The following ARHGAP39 variants were observed in gnomAD, a reference collection of about 807,000 sequenced individuals.
The protein encoded by ARHGAP39 is Rho GTPase activating protein 39.
ARHGAP39 carries 44 observed loss-of-function variants against 106.9 expected under a neutral mutation model. The ratio of observed to expected loss-of-function variants is 0.41; its 90% confidence interval spans 0.32 to 0.53. ARHGAP39 has a LOEUF of 0.53. Among genes scored for constraint, ARHGAP39 ranks in the 20% least tolerant of loss-of-function variants. ARHGAP39 has a pLI of 0.21. For synonymous variants in ARHGAP39, 768 were observed against 693.2 expected (o/e 1.11, Z -1.69); for missense variants, 1,496 against 1,577.3 (o/e 0.95, Z 0.87).
intron 1 of ARHGAP39, among the ~76,000 whole-genome samples, chr8:144,614,347 T>C (rs1820576577): frequency 6.6e-6 from 1 of 151,050 alleles, no homozygotes; most frequent in African/African-American, 2.5e-5. Flanking sequence ...TTTGTGTTCC[T>C]GTTACTATTT....
intron 2 of ARHGAP39, among the ~76,000 whole-genome samples, chr8:144,584,660 G>A (rs1819116003): frequency 1.3e-5 from 2 of 152,154 alleles, no homozygotes; most frequent in African/African-American, 4.8e-5. Context: ...CTACTCGGGA[G>A]GCCAAGGCAG....
chr8:144,605,165 G>A (rs1437642264), intron 2 of ARHGAP39, among the ~76,000 whole-genome samples: 1 of 152,202 alleles, frequency 6.6e-6, no homozygotes, highest in Non-Finnish European at 1.5e-5. Flanking sequence ...GGGAGGTGAG[G>A]TGGGAGGACT....
At chr8:144,656,711 G>A (rs892288862) in intron 1 of ARHGAP39, among the ~76,000 whole-genome samples, 1 of 146,148 alleles carries the variant, frequency 6.8e-6, no homozygotes, top group Admixed American at 7.0e-5. Flanking sequence ...GGGAGGCTGA[G>A]ATAGGAGAAT....
Position 144,536,525 on chromosome 8 carries a change from G to A in ARHGAP39, c.2614+1196C>T, listed in dbSNP as rs183313649. 6.9e-4 allele frequency among the ~76,000 whole-genome samples: 105 copies of A among 152,356 alleles called. 1 individual carries two copies. Among genetic ancestry groups the A allele is most frequent in the African/African-American group, 2.4e-3 (100 of 41,580 alleles). ...TCTCAGGCCACCGGACGCCAGCTCA[G>A]GTAGGAGCGCAAAGCTCCTTCTACG... is the stretch of plus-strand genomic sequence containing the variant. On this transcript the variant is annotated intron_variant, in intron 7 of 11. Transcript: ENST00000377307.
chr8:144,613,975 GAGAGTGTCT>G (rs1820565686), intron 1 of ARHGAP39, among the ~76,000 whole-genome samples: 2 of 152,140 alleles, frequency 1.3e-5, no homozygotes, highest in Admixed American at 1.3e-4. Flanking sequence ...TTTCAGTTTG[GAGAGTGTCT>G]ACTGCTTCAT....
At position 144,671,628 on chromosome 8, in the gene ARHGAP39, C is replaced by T. The variant is rs1046061710; in HGVS notation, c.-82+14058G>A. On this transcript the variant is annotated intron_variant, in intron 1 of 11. Coordinates refer to ENST00000377307, the MANE Select transcript of ARHGAP39 (RefSeq NM_025251.3). The surrounding 1 kb of genome is among the most constrained non-coding windows in gnomAD (Gnocchi z 4.5). Reference sequence around the variant, plus strand: ...TCTGTGCCTGGTGAATAGCCCAAGGCTCAGCTGCTGATACTCCTCCTTTCC... The same window carrying T: ...TCTGTGCCTGGTGAATAGCCCAAGGTTCAGCTGCTGATACTCCTCCTTTCC... Among the ~76,000 whole-genome samples, 3 of 152,240 alleles carry T rather than the reference C, an allele frequency of 2.0e-5. No individual in the cohort carries two copies. Among genetic ancestry groups the T allele is most frequent in the African/African-American group, 7.2e-5 (3 of 41,466 alleles).
Position 144,537,693 on chromosome 8 carries a change from G to A in ARHGAP39, c.2614+28C>T, listed in dbSNP as rs538932547. The A allele has an allele frequency of 2.4e-5, 38 of 1,595,320 alleles. No homozygotes were observed. In the South Asian group the frequency reaches 3.0e-4, roughly 12 times the overall value. On this transcript the variant is annotated intron_variant, in intron 7 of 11. Coordinates refer to ENST00000377307, the MANE Select transcript of ARHGAP39 (RefSeq NM_025251.3). ...GAGAGCAGAGCTGTGCAGACGCCGCGCCCAGGGGCTGCGGGGAGAGGCCCT... is the reference window on the plus strand; with the variant it reads ...GAGAGCAGAGCTGTGCAGACGCCGCACCCAGGGGCTGCGGGGAGAGGCCCT...
At chr8:144,623,500 A>C (rs564426859) in intron 1 of ARHGAP39, among the ~76,000 whole-genome samples, 2 of 152,250 alleles carry the variant, frequency 1.3e-5, no homozygotes, top group Non-Finnish European at 2.9e-5. Context: ...GGCTCCATCG[A>C]GGCTGGCTCT....
chr8:144,534,290 G>T, intron 7 of ARHGAP39, 88 bp from the exon 8 acceptor site: 6 of 1,469,778 alleles, frequency 4.1e-6, no homozygotes, highest in Non-Finnish European at 3.8e-6. Flanking sequence ...TCCTTCGAGG[G>T]CCCTGGGGGG....
chr8:144,665,902 C>T (rs1255406679), intron 1 of ARHGAP39, among the ~76,000 whole-genome samples: 1 of 152,232 alleles, frequency 6.6e-6, no homozygotes, highest in African/African-American at 2.4e-5. Context: ...CACCATCCTC[C>T]TGACCCCAGA....
intron 1 of ARHGAP39, among the ~76,000 whole-genome samples, chr8:144,622,515 A>T (rs1303381535): frequency 6.6e-6 from 1 of 152,076 alleles, no homozygotes; most frequent in East Asian, 2.0e-4. Context: ...CCGCCCTCCC[A>T]GGAGAGGAGG....
At position 144,547,324 on chromosome 8, in the gene ARHGAP39, C is replaced by T. The variant is rs373067112; in HGVS notation, c.1762G>A (p.Asp588Asn). 6.2e-7 allele frequency: 1 copy of T among 1,609,422 alleles called. No individual in the cohort carries two copies. The highest frequency in any genetic ancestry group is 8.5e-7 in the Non-Finnish European group (1 of 1,179,054). ...GGCATGGGCAGTGGCAGGGCGCCGT[C>T]GCTCTCGTAGCCAGAGCCGTCCTGC... ...SQQDGSGYES[D>N]GALPLPMPGP... The change falls in exon 5 of 12, where the codon GAC becomes AAC. Residue 588 changes from aspartate (D) to asparagine (N), a missense_variant. By Grantham distance (23) the Asp-to-Asn change is conservative. Transcript: ENST00000377307. This position sits in a 1 kb window ranked among gnomAD's most constrained non-coding sequence, Gnocchi z 5.2.
chr8:144,592,892 G>A (rs118162952), intron 2 of ARHGAP39, among the ~76,000 whole-genome samples: 3,545 of 152,322 alleles, frequency 0.023, 86 homozygotes, highest in Admixed American at 0.064. Flanking sequence ...GCGAGGTGGG[G>A]AGGACATTGT....
rs1180929606 is a variant in ARHGAP39 at position 144,678,855 on chromosome 8, G to A, written c.-82+6831C>T. Among the ~76,000 whole-genome samples the A allele has an allele frequency of 3.3e-5, 5 of 152,150 alleles. No homozygotes were observed. In the East Asian group the frequency reaches 9.6e-4, roughly 29 times the overall value. On this transcript the variant is annotated intron_variant, in intron 1 of 11. Transcript: ENST00000377307. ...GTTTATATCATCTGAGCAGCTATGT[G>A]GCAGAGACAGGGGAGTGGCTCAAGG... is the stretch of plus-strand genomic sequence containing the variant.
intron 3 of ARHGAP39, among the ~76,000 whole-genome samples, chr8:144,579,201 C>CAAAA (rs541332282): frequency 9.8e-3 from 349 of 35,606 alleles, no homozygotes; most frequent in Non-Finnish European, 0.016. Context: ...GACTCTGTCT[C>CAAAA]AAAAAAAAAA....
intron 1 of ARHGAP39, among the ~76,000 whole-genome samples, chr8:144,621,628 G>A (rs369882982): frequency 1.5e-4 from 23 of 152,186 alleles, no homozygotes; most frequent in Admixed American, 3.9e-4. Flanking sequence ...ACCAGCCTGC[G>A]AAACATAGTG....
At chr8:144,605,255 T>C (rs1820239422) in intron 2 of ARHGAP39, among the ~76,000 whole-genome samples, 1 of 152,136 alleles carries the variant, frequency 6.6e-6, no homozygotes, top group African/African-American at 2.4e-5. Flanking sequence ...AGTGAGACCC[T>C]GTCTCCTCAA....
rs1193309299 is a variant in ARHGAP39 at position 144,581,212 on chromosome 8, C to T, written c.146G>A (p.Gly49Asp). ...GGCCGGCGGGTCCCACACGCACTCA[C>T]CGGTGACCAGGTTGGCGTACATGCG... ...RERMYANLVT[G>D]ECVWDPPAGV... The change falls in exon 3 of 12, where the codon GGT (glycine) becomes GAT (aspartate). Residue 49 changes from glycine (G) to aspartate (D), a missense_variant. Physicochemically the swap from Gly to Asp is moderately conservative, Grantham distance 94. Coordinates refer to ENST00000377307, the MANE Select transcript of ARHGAP39 (RefSeq NM_025251.3). 2 of 1,556,698 alleles carry T rather than the reference C, an allele frequency of 1.3e-6. No homozygotes were observed. Among genetic ancestry groups the T allele is most frequent in the Admixed American group, 3.9e-5 (2 of 51,470 alleles).
chr8:144,662,686 T>C (rs958515030), intron 1 of ARHGAP39, among the ~76,000 whole-genome samples: 1 of 137,764 alleles, frequency 7.3e-6, no homozygotes, highest in Admixed American at 7.3e-5. Context: ...TTTGGACTGC[T>C]CCCCACTCCC....
Sources: gnomAD v4.1 joint callset for allele counts (sites outside exome capture counted in the v4.1 genomes callset) on GRCh38, gnomAD v4.1.1 for gene constraint, Gnocchi (gnomAD v3.1) non-coding constraint, MANE v1.5 for transcripts, NCBI Gene and HGNC (gene_info 2026-07-23, HGNC 2026-07-21) for gene names.